The following AKAP6 variants were observed in gnomAD, a reference collection of about 807,000 sequenced individuals.
AKAP6 encodes A-kinase anchor protein 6.
AKAP6 carries 58 observed loss-of-function variants against 188.5 expected under a neutral mutation model. The observed-to-expected ratio is 0.31, with a 90% confidence interval of 0.25 to 0.38. The LOEUF (loss-of-function observed/expected upper bound fraction) is 0.38, where lower values mean the gene tolerates loss of function less well. Among genes scored for constraint, AKAP6 ranks in the 10% least tolerant of loss-of-function variants. The probability of loss-of-function intolerance (pLI) is 1.00; values close to 1 mark genes in which losing one functional copy is unlikely to be tolerated. For missense variants in AKAP6, 2,710 were observed against 2,740.0 expected, an observed-to-expected ratio of 0.99 and a Z score of 0.24; for synonymous variants, 989 against 998.6, an observed-to-expected ratio of 0.99 and a Z score of 0.18.
chr14:32,806,230 C>G (rs1286691320), intron 12 of AKAP6, among the ~76,000 whole-genome samples: 1 of 152,206 alleles, frequency 6.6e-6, no homozygotes, highest in Non-Finnish European at 1.5e-5. Flanking sequence ...ATAATTTTGA[C>G]ATAGATGAGA....
chr14:32,568,472 A>G lies in AKAP6; in HGVS notation c.2347-8648A>G, dbSNP rs1884304959. 6.6e-6 allele frequency among the ~76,000 whole-genome samples: 1 copy of G among 152,138 alleles called. No homozygotes were observed. The highest frequency in any genetic ancestry group is 2.4e-5 in the African/African-American group (1 of 41,432). ...GTTAATTATAATACTAGATATGAAA[A>G]ACCTACAATTAAACCATTAAACTAT... is the stretch of plus-strand genomic sequence containing the variant. On this transcript the variant is annotated intron_variant, in intron 4 of 13. Transcript: ENST00000280979. This position sits in a 1 kb window ranked among gnomAD's most constrained non-coding sequence, Gnocchi z 6.2.
intron 1 of AKAP6, among the ~76,000 whole-genome samples, chr14:32,412,864 T>G (rs1889532505): frequency 6.6e-6 from 1 of 152,184 alleles, no homozygotes; most frequent in African/African-American, 2.4e-5. Flanking sequence ...TACAAATGCC[T>G]TTGGTTAAAG....
intron 6 of AKAP6, among the ~76,000 whole-genome samples, chr14:32,599,798 G>A (rs73257138): frequency 0.014 from 2,174 of 152,216 alleles, 48 homozygotes; most frequent in African/African-American, 0.048. Flanking sequence ...GCTTTTTGAT[G>A]TAGGTGCTCT....
chr14:32,361,306 C>G (rs895201220), intron 1 of AKAP6, among the ~76,000 whole-genome samples: 1 of 151,976 alleles, frequency 6.6e-6, no homozygotes, highest in Admixed American at 6.6e-5. Flanking sequence ...TGTGTGCATG[C>G]ATGTGCTTAT....
At chr14:32,444,596 T>TA (rs1202899487) in intron 2 of AKAP6, among the ~76,000 whole-genome samples, 1 of 152,128 alleles carries the variant, frequency 6.6e-6, no homozygotes, top group African/African-American at 2.4e-5. Flanking sequence ...AATATATCAT[T>TA]AAATGGAGAA....
intron 1 of AKAP6, among the ~76,000 whole-genome samples, chr14:32,372,882 G>T (rs1888054822): frequency 6.6e-6 from 1 of 151,608 alleles, no homozygotes; most frequent in Non-Finnish European, 1.5e-5. Flanking sequence ...ATGGGATTTG[G>T]GTAGTTTTGG....
chr14:32,736,097 T>G (rs1436875915), intron 11 of AKAP6, among the ~76,000 whole-genome samples: 1 of 152,108 alleles, frequency 6.6e-6, no homozygotes, highest in Non-Finnish European at 1.5e-5. Context: ...AGAGGGGAAA[T>G]CTCTGCTGCA....
intron 5 of AKAP6, among the ~76,000 whole-genome samples, chr14:32,587,097 T>C (rs1355435496): frequency 6.6e-6 from 1 of 152,222 alleles, no homozygotes; most frequent in African/African-American, 2.4e-5. Context: ...GGCATCTTAC[T>C]GTAGTTTAGT....
At chr14:32,798,096 C>T (rs1177201351) in intron 12 of AKAP6, among the ~76,000 whole-genome samples, 1 of 152,110 alleles carries the variant, frequency 6.6e-6, no homozygotes, top group African/African-American at 2.4e-5. Context: ...CATGAACAGA[C>T]ACTTCTCAAA....
At chr14:32,788,654 C>T (rs1489503046) in intron 12 of AKAP6, among the ~76,000 whole-genome samples, 1 of 149,386 alleles carries the variant, frequency 6.7e-6, no homozygotes, top group African/African-American at 2.4e-5. Flanking sequence ...TCTTTGCAAC[C>T]GGCGGATCAG....
chr14:32,611,551 A>G (rs1886354412), intron 7 of AKAP6, among the ~76,000 whole-genome samples: 1 of 152,178 alleles, frequency 6.6e-6, no homozygotes, highest in African/African-American at 2.4e-5. Flanking sequence ...GTTGATTTTA[A>G]CAAGAGACTA....
intron 5 of AKAP6, among the ~76,000 whole-genome samples, chr14:32,598,559 G>A (rs1340085621): frequency 6.6e-6 from 1 of 152,148 alleles, no homozygotes; most frequent in Non-Finnish European, 1.5e-5. Context: ...TATGTGACAT[G>A]AATTGGAGAT....
At chr14:32,509,760 G>A (rs912294813) in intron 2 of AKAP6, among the ~76,000 whole-genome samples, 5 of 152,130 alleles carry the variant, frequency 3.3e-5, no homozygotes, top group African/African-American at 9.7e-5. Context: ...TGAAGCCAGC[G>A]TGGTCAGAAC....
chr14:32,567,288 C>G (rs1400877476), intron 4 of AKAP6, among the ~76,000 whole-genome samples: 1 of 152,180 alleles, frequency 6.6e-6, no homozygotes, highest in African/African-American at 2.4e-5. Flanking sequence ...TAGATTAATT[C>G]TAAGAGCCTT....
intron 7 of AKAP6, among the ~76,000 whole-genome samples, chr14:32,622,004 T>C (rs2139422035): frequency 6.6e-6 from 1 of 152,280 alleles, no homozygotes; most frequent in Admixed American, 6.5e-5. Context: ...AAGGCATATA[T>C]CCTTTTAAAT....
At chr14:32,500,346 T>G (rs1371099077) in intron 2 of AKAP6, among the ~76,000 whole-genome samples, 1 of 152,234 alleles carries the variant, frequency 6.6e-6, no homozygotes, top group Non-Finnish European at 1.5e-5. Flanking sequence ...AGATTATTTA[T>G]TGACATCTAG....
chr14:32,343,956 A>G (rs1352730465), intron 1 of AKAP6, among the ~76,000 whole-genome samples: 3 of 152,144 alleles, frequency 2.0e-5, no homozygotes, highest in African/African-American at 7.2e-5. Flanking sequence ...ATCATGATTT[A>G]CTACTTGTTC....
Position 32,824,016 on chromosome 14 carries a change from C to A in AKAP6, c.6203C>A (p.Ser2068Ter). 1 of 1,613,890 alleles carries A rather than the reference C, an allele frequency of 6.2e-7. No individual in the cohort carries two copies. Reference protein sequence around the residue: ...NFVKEIIDMASTALKSKSQPE... With the variant: ...NFVKEIIDMA ...GTTAAGGAAATCATTGACATGGCTT[C>A]GACAGCCCTAAAAAGTAAATCTCAA... is the stretch of plus-strand genomic sequence containing the variant. The change falls in exon 13 of 14, where the codon TCG (serine) becomes TAG (stop). Residue 2068 changes from serine to a stop codon, truncating the protein, a stop_gained. Coordinates refer to ENST00000280979, the MANE Select transcript of AKAP6 (RefSeq NM_004274.5). LOFTEE classifies it high-confidence loss of function.
intron 11 of AKAP6, among the ~76,000 whole-genome samples, chr14:32,742,733 G>A (rs947735696): frequency 6.6e-6 from 1 of 151,942 alleles, no homozygotes; most frequent in African/African-American, 2.4e-5. Context: ...CAGAGAAGAT[G>A]CTTGATATTA....
Sources: allele counts gnomAD v4.1 joint callset (sites outside exome capture counted in the v4.1 genomes callset), GRCh38; gene constraint gnomAD v4.1.1; non-coding constraint Gnocchi (gnomAD v3.1); transcripts MANE v1.5; gene names NCBI Gene and HGNC (gene_info 2026-07-23, HGNC 2026-07-21).